KYAT1: variants seen among roughly 807,000 people sequenced by gnomAD.
The protein encoded by KYAT1 is kynurenine--oxoglutarate transaminase 1.
KYAT1 carries 47 observed loss-of-function variants against 52.4 expected under a neutral mutation model. The observed-to-expected ratio is 0.90, with a 90% CI of 0.71 to 1.14. The LOEUF (loss-of-function observed/expected upper bound fraction) is 1.14, where lower values mean the gene tolerates loss of function less well. KYAT1 is among the 50% of genes most tolerant of loss of function. The pLI is 0.00. For missense variants in KYAT1, 480 were observed against 557.9 expected, an observed-to-expected ratio of 0.86 and a Z score of 1.41; for synonymous variants, 212 against 209.6, an observed-to-expected ratio of 1.01 and a Z score of -0.10.
chr9:128,845,562 T>TGCCC, intron 1 of KYAT1, 151 bp from the exon 2 acceptor site: 1 of 695,314 alleles, frequency 1.4e-6, no homozygotes, highest in Non-Finnish European at 2.4e-6. Flanking sequence ...GAAGGGCAGG[T>TGCCC]TTCTGCCTGC....
chr9:128,844,468 C>CA, intron 2 of KYAT1, among the ~76,000 whole-genome samples: 1 of 150,150 alleles, frequency 6.7e-6, no homozygotes, highest in South Asian at 2.1e-4. Context: ...ATCACGAGGT[C>CA]AGGAGTTCGA....
chr9:128,841,211 A>T (rs1370537358), intron 3 of KYAT1, among the ~76,000 whole-genome samples: 6 of 152,206 alleles, frequency 3.9e-5, no homozygotes, highest in Non-Finnish European at 8.8e-5. Context: ...ATCCACTAAA[A>T]ATACAAAAAA....
At chr9:128,838,175 C>T (rs755481271) in intron 4 of KYAT1, 38 bp from the exon 5 acceptor site, 60 of 1,613,990 alleles carry the variant, frequency 3.7e-5, no homozygotes, top group Non-Finnish European at 5.0e-5. Flanking sequence ...TCAGCATGGC[C>T]CTGACCTCTC....
chr9:128,846,914 G>T, intron 1 of KYAT1: 1 of 1,430,134 alleles, frequency 7.0e-7, no homozygotes, highest in South Asian at 1.3e-5. Flanking sequence ...ACCTCGCTCA[G>T]TTCCCACTGC....
intron 1 of KYAT1, among the ~76,000 whole-genome samples, chr9:128,881,451 A>G (rs1838889446): frequency 6.6e-6 from 1 of 152,114 alleles, no homozygotes; most frequent in African/African-American, 2.4e-5. Context: ...ATTAGTGCAT[A>G]TTAAACATTG....
At chr9:128,872,063 G>A (rs1450757550) in intron 1 of KYAT1, among the ~76,000 whole-genome samples, 3 of 151,078 alleles carry the variant, frequency 2.0e-5, no homozygotes, top group African/African-American at 7.3e-5. Flanking sequence ...GGGAGGCGGA[G>A]GTTGCAGTGA....
At chr9:128,879,263 T>C (rs979964974) in intron 1 of KYAT1, among the ~76,000 whole-genome samples, 48 of 151,956 alleles carry the variant, frequency 3.2e-4, no homozygotes, top group African/African-American at 1.1e-3. Flanking sequence ...TGAGCCGAGA[T>C]TGCACCACTG....
chr9:128,842,205 G>GA, intron 3 of KYAT1: 2 of 211,894 alleles, frequency 9.4e-6, no homozygotes, highest in Non-Finnish European at 2.0e-5. Context: ...AAAAGAAAAA[G>GA]AAAAAAAGAA....
intron 3 of KYAT1, among the ~76,000 whole-genome samples, chr9:128,838,850 G>A (rs1369835364): frequency 6.6e-6 from 1 of 152,244 alleles, no homozygotes; most frequent in Non-Finnish European, 1.5e-5. Context: ...CCACAAGGCA[G>A]TAGAAACTCC....
In KYAT1 at chr9:128,833,750, C is replaced by T. The variant is rs554957672; in HGVS notation, c.1199G>A (p.Cys400Tyr). 6.2e-7 allele frequency: 1 copy of T among 1,614,216 alleles called. No individual in the cohort carries two copies. The highest frequency in any genetic ancestry group is 2.2e-5 in the East Asian group (1 of 44,890). ...QKHFDHYIRF[C>Y]FVKDEATLQA... ...AGCCCTGCCCTTTACCTTCACAAAA[C>T]AGAAGCGGATATAGTGGTCAAAGTG... is the stretch of plus-strand genomic sequence containing the variant. Residue 400 changes from cysteine (C) to tyrosine (Y), a missense_variant, in exon 12 of 13, where the codon TGT becomes TAT. Transcript: ENST00000302586.
At chr9:128,835,424 G>A (rs1422823646) in intron 10 of KYAT1, 22 bp from the exon 11 acceptor site, 3 of 1,613,634 alleles carry the variant, frequency 1.9e-6, no homozygotes, top group Non-Finnish European at 2.5e-6. Flanking sequence ...AGGCCACACT[G>A]AGCCCCCTGC....
rs145858254 is a variant in KYAT1, at chr9:128,856,928, A to C, written c.-6-11517T>G. Among the ~76,000 whole-genome samples the C allele has an allele frequency of 1.2e-3, 190 of 152,340 alleles. 1 individual carries two copies. The highest frequency in any genetic ancestry group is 2.7e-3 in the South Asian group (13 of 4,822). ...ATTAGTAAAAGAGGAAAGCCTCTTG[A>C]AGTTGAAATAGAGGAAGGCCACTGT... is the stretch of plus-strand genomic sequence containing the variant. On this transcript the variant is annotated intron_variant, in intron 1 of 12. Transcript: ENST00000302586.
At chr9:128,880,986 C>T (rs1029558620) in intron 1 of KYAT1, among the ~76,000 whole-genome samples, 1 of 152,246 alleles carries the variant, frequency 6.6e-6, no homozygotes, top group Non-Finnish European at 1.5e-5. Context: ...CAATTAACAA[C>T]TTCTTGTGCA....
At chr9:128,845,293 G>C (rs1436174343) in intron 2 of KYAT1, 60 bp downstream of exon 2, 1 of 1,455,386 alleles carries the variant, frequency 6.9e-7, no homozygotes, top group African/African-American at 1.4e-5. Flanking sequence ...TGTAAACCCA[G>C]GGATGGCCAA....
chr9:128,865,330 TATATATATATATATATATATATATATA>T lies in KYAT1; in HGVS notation c.-7+16540_-7+16566del, dbSNP rs1170138457. 4.5e-3 allele frequency among the ~76,000 whole-genome samples: 11 copies of T among 2,464 alleles called. 1 individual carries two copies. The East Asian group carries it at 0.06, about 13-fold the overall frequency. The allele number at this position is 2,464 out of a possible 152,430, so 1.6% of individuals were successfully genotyped here. A position where few individuals can be genotyped will look rare whatever the true frequency, so the allele number is the denominator to read the frequency against. ...CTACATATATATATATATATATATA[TATATATATATATATATATATATATATA>T]TATTTTTTTTTTTTTTTTTTTTGAG... is the stretch of plus-strand genomic sequence containing the variant. On this transcript the variant is annotated intron_variant, in intron 1 of 12. Transcript: ENST00000302586.
At position 128,865,326 on chromosome 9, in the gene KYAT1, TATATATATATATATATATATATATATA is replaced by T. The variant is rs1564491361; in HGVS notation, c.-7+16544_-7+16570del. The stretch of plus-strand genomic sequence containing the variant: ...GAGCCTACATATATATATATATATA[TATATATATATATATATATATATATATA>T]TATATATTTTTTTTTTTTTTTTTTT... On this transcript the variant is annotated intron_variant, in intron 1 of 12. Coordinates refer to ENST00000302586, the MANE Select transcript of KYAT1 (RefSeq NM_004059.5). 2.8e-4 allele frequency among the ~76,000 whole-genome samples: 13 copies of T among 46,622 alleles called. 3 individuals carry two copies. The highest frequency in any genetic ancestry group is 2.1e-3 in the African/African-American group (7 of 3,312). 30.6% of individuals were successfully genotyped at this position (46,622 alleles called of 152,430 possible). A position where few individuals can be genotyped will look rare whatever the true frequency, so the allele number is the denominator to read the frequency against.
chr9:128,835,005 A>G (rs891985285), intron 11 of KYAT1, among the ~76,000 whole-genome samples: 7 of 151,424 alleles, frequency 4.6e-5, no homozygotes, highest in African/African-American at 1.7e-4. Context: ...GGGCAAAAAA[A>G]AGTAGCCTGT....
At chr9:128,846,454 C>T (rs1394409898) in intron 1 of KYAT1, among the ~76,000 whole-genome samples, 2 of 151,834 alleles carry the variant, frequency 1.3e-5, no homozygotes, top group African/African-American at 4.8e-5. Flanking sequence ...AGAAACTTAT[C>T]TGGGCGTCAT....
At chr9:128,840,649 T>C (rs1455352406) in intron 3 of KYAT1, 1 of 444,680 alleles carries the variant, frequency 2.2e-6, no homozygotes, top group South Asian at 1.7e-5. Flanking sequence ...AAGAAGGAAC[T>C]TTCCAACCAG....
Sources: gnomAD v4.1 joint callset for allele counts (sites outside exome capture counted in the v4.1 genomes callset) on GRCh38, gnomAD v4.1.1 for gene constraint, MANE v1.5 for transcripts, NCBI Gene and HGNC (gene_info 2026-07-23, HGNC 2026-07-21) for gene names.